CKAP2L: variants seen among roughly 807,000 people sequenced by gnomAD.
CKAP2L encodes cytoskeleton associated protein 2L, also known as cytoskeleton-associated protein 2-like.
CKAP2L carries 42 observed loss-of-function variants against 65.7 expected under a neutral mutation model. The ratio of observed to expected loss-of-function variants is 0.64; its 90% CI spans 0.50 to 0.83. The LOEUF (loss-of-function observed/expected upper bound fraction) is 0.83, where lower values mean the gene tolerates loss of function less well. CKAP2L is among the 40% of genes least tolerant of loss of function. The probability of loss-of-function intolerance (pLI) is 0.00; values close to 1 mark genes in which losing one functional copy is unlikely to be tolerated. For synonymous variants in CKAP2L, 325 were observed against 313.5 expected, an observed-to-expected ratio of 1.04 and a Z score of -0.39; for missense variants, 908 against 871.0, an observed-to-expected ratio of 1.04 and a Z score of -0.53.
intron 5 of CKAP2L, among the ~76,000 whole-genome samples, chr2:112,749,576 C>T (rs534626095): frequency 3.3e-5 from 5 of 151,870 alleles, no homozygotes; most frequent in African/African-American, 1.2e-4. Context: ...GCCACATTCA[C>T]CAACTACAAT....
Position 112,737,979 on chromosome 2 carries a change from C to T in CKAP2L, c.*844G>A, listed in dbSNP as rs1206851553. 3 of 152,162 alleles carry T rather than the reference C, an allele frequency of 2.0e-5. No individual in the cohort carries two copies. The highest frequency in any genetic ancestry group is 1.3e-4 in the Admixed American group (2 of 15,266). 9.4% of individuals were successfully genotyped at this position (152,162 alleles called of 1,614,324 possible). On this transcript the variant is annotated 3_prime_UTR_variant, in exon 9 of 9. Transcript: ENST00000302450. The stretch of plus-strand genomic sequence containing the variant: ...CTACACAATTATATTTACATAATGA[C>T]TAAGGTAAAACCTTTCCACAAATAG...
chr2:112,756,050 C>T lies in CKAP2L; in HGVS notation c.1321G>A (p.Ala441Thr), dbSNP rs773843677. The T allele has an allele frequency of 1.9e-6, 3 of 1,613,296 alleles. No homozygotes were observed. In the South Asian group the frequency reaches 3.3e-5, roughly 18 times the overall value. ...GTCCCATTTACGGTTGTGACATCAG[C>T]TTGAGTTTTGGGAGCTGTCTTGTTC... ...FLNKTAPKTQADVTTVNGTQT... is the reference protein window; with the variant it reads ...FLNKTAPKTQTDVTTVNGTQT... The change falls in exon 4 of 9, where the codon GCT (alanine) becomes ACT (threonine). Residue 441 changes from alanine to threonine, a missense_variant. Ala to Thr is a moderately conservative substitution (Grantham distance 58, BLOSUM62 0). Coordinates refer to ENST00000302450, the MANE Select transcript of CKAP2L (RefSeq NM_152515.5).
At chr2:112,760,640 T>C (rs1680689214) in intron 3 of CKAP2L, 73 bp downstream of exon 3, 1 of 762,274 alleles carries the variant, frequency 1.3e-6, no homozygotes, top group Admixed American at 2.6e-5. Flanking sequence ...TTTAGGTTGC[T>C]AACATCTTTA....
chr2:112,760,829 C>A, intron 2 of CKAP2L, 65 bp from the exon 3 acceptor site: 1 of 816,618 alleles, frequency 1.2e-6, no homozygotes, highest in Non-Finnish European at 2.0e-6. Flanking sequence ...TTGGGAAGTA[C>A]AGTGATTAAA....
chr2:112,756,563 G>A lies in CKAP2L; in HGVS notation c.808C>T (p.Pro270Ser), dbSNP rs1264670080. Reference protein sequence around the residue: ...QLSRGADLARPGVKPSRTVPS... With the variant: ...QLSRGADLARSGVKPSRTVPS... Reference sequence around the variant, plus strand: ...ACCGTCCTTGAGGGTTTTACTCCTGGTCTTGCAAGATCTGCTCCTCTAGAG... The same window carrying A: ...ACCGTCCTTGAGGGTTTTACTCCTGATCTTGCAAGATCTGCTCCTCTAGAG... The change falls in exon 4 of 9, where the codon CCA becomes TCA. Residue 270 changes from proline to serine, a missense_variant. Transcript: ENST00000302450. 2 of 1,612,132 alleles carry A rather than the reference G, an allele frequency of 1.2e-6. No homozygotes were observed. The highest frequency in any genetic ancestry group is 1.7e-6 in the Non-Finnish European group (2 of 1,179,422).
chr2:112,761,652 A>G (rs1680727668), intron 2 of CKAP2L, among the ~76,000 whole-genome samples: 1 of 152,112 alleles, frequency 6.6e-6, no homozygotes, highest in Non-Finnish European at 1.5e-5. Flanking sequence ...ATCAATCTGC[A>G]TGGACCAAAA....
intron 8 of CKAP2L, 36 bp downstream of exon 8, chr2:112,740,782 T>G (rs1679884534): frequency 6.5e-7 from 1 of 1,533,680 alleles, no homozygotes; most frequent in Non-Finnish European, 9.0e-7. Context: ...TAGAATTAAG[T>G]CTGTGAACAC....
chr2:112,752,846 A>C (rs894751374), intron 4 of CKAP2L, among the ~76,000 whole-genome samples: 1 of 152,182 alleles, frequency 6.6e-6, no homozygotes, highest in Non-Finnish European at 1.5e-5. Context: ...CTCACGCATA[A>C]GCTGTCACTC....
chr2:112,742,849 CAT>C, intron 6 of CKAP2L, 80 bp from the exon 7 acceptor site: 1 of 886,068 alleles, frequency 1.1e-6, no homozygotes, highest in East Asian at 2.5e-5. Flanking sequence ...ACTTCAAATA[CAT>C]GTTTTATAAT....
chr2:112,744,549 T>C (rs1296044041), intron 6 of CKAP2L, among the ~76,000 whole-genome samples: 1 of 152,188 alleles, frequency 6.6e-6, no homozygotes, highest in East Asian at 1.9e-4. Context: ...ATTCTGCAAG[T>C]CTCTGAGGGA....
intron 4 of CKAP2L, among the ~76,000 whole-genome samples, chr2:112,754,939 T>C (rs1445524700): frequency 6.6e-6 from 1 of 152,214 alleles, no homozygotes. Flanking sequence ...CTGATCCTTT[T>C]ATCTAAAGCA....
chr2:112,742,875 T>TA (rs1403500858), intron 6 of CKAP2L, 106 bp from the exon 7 acceptor site: 16 of 703,184 alleles, frequency 2.3e-5, no homozygotes, highest in Non-Finnish European at 3.3e-5. Context: ...AGTTTCCTTT[T>TA]AAAATCTCGT....
intron 4 of CKAP2L, among the ~76,000 whole-genome samples, chr2:112,754,421 T>G (rs750305573): frequency 6.6e-6 from 1 of 152,242 alleles, no homozygotes; most frequent in African/African-American, 2.4e-5. Flanking sequence ...ACATTTGGCA[T>G]GTGCTTCCTC....
intron 5 of CKAP2L, among the ~76,000 whole-genome samples, chr2:112,746,932 C>A (rs1039239704): frequency 2.0e-5 from 3 of 151,910 alleles, no homozygotes; most frequent in Non-Finnish European, 4.4e-5. Flanking sequence ...GGACTACAGG[C>A]ACATGCCACC....
At chr2:112,739,286 T>C (rs1243690603) in intron 8 of CKAP2L, among the ~76,000 whole-genome samples, 1 of 152,082 alleles carries the variant, frequency 6.6e-6, no homozygotes, top group Non-Finnish European at 1.5e-5. Flanking sequence ...CTGGGCATGG[T>C]GGCACACACC....
intron 6 of CKAP2L, 60 bp from the exon 7 acceptor site, chr2:112,742,829 A>C: frequency 8.2e-7 from 1 of 1,214,512 alleles, no homozygotes. Context: ...AAATTTGCTA[A>C]GGAACTTTAA....
chr2:112,740,769 G>T, intron 8 of CKAP2L, 49 bp downstream of exon 8: 1 of 1,454,502 alleles, frequency 6.9e-7, no homozygotes, highest in Non-Finnish European at 9.5e-7. Context: ...TCGAGACTTG[G>T]ACTAGAATTA....
Position 112,736,477 on chromosome 2 carries a change from T to C in CKAP2L, c.*2346A>G, listed in dbSNP as rs901178102. On this transcript the variant is annotated 3_prime_UTR_variant, in exon 9 of 9. Coordinates refer to ENST00000302450, the MANE Select transcript of CKAP2L (RefSeq NM_152515.5). The stretch of plus-strand genomic sequence containing the variant: ...CATTATCATCTCAGTTTTTTTGTGA[T>C]AATAGCAGCTAAAATCTACTTATTT... 2 of 152,246 alleles carry C rather than the reference T, an allele frequency of 1.3e-5. No individual in the cohort carries two copies. The highest frequency in any genetic ancestry group is 4.8e-5 in the African/African-American group (2 of 41,454). 9.4% of individuals were successfully genotyped at this position (152,246 alleles called of 1,614,324 possible).
intron 3 of CKAP2L, 51 bp from the exon 4 acceptor site, chr2:112,757,265 G>T: frequency 8.0e-7 from 1 of 1,250,724 alleles, no homozygotes; most frequent in East Asian, 2.4e-5. Flanking sequence ...ATATCTTATT[G>T]TTTTTAAAAT....
Sources: gnomAD v4.1 joint callset for allele counts (sites outside exome capture counted in the v4.1 genomes callset) on GRCh38, gnomAD v4.1.1 for gene constraint, MANE v1.5 for transcripts, NCBI Gene and HGNC (gene_info 2026-07-23, HGNC 2026-07-21) for gene names.